CELF1: variants seen among roughly 807,000 people sequenced by gnomAD.
CELF1 encodes CUGBP Elav-like family member 1.
Under a neutral mutation model 61.8 loss-of-function variants are expected in CELF1, and 10 were observed. That is an observed-to-expected ratio of 0.16 (90% CI 0.10 to 0.27). The LOEUF is 0.27. Ranked by LOEUF, CELF1 falls within the 10% of genes least tolerant of loss-of-function variation. CELF1 has a pLI of 1.00. For synonymous variants in CELF1, 236 were observed against 225.1 expected (o/e 1.05, Z -0.43); for missense variants, 380 against 639.1 (o/e 0.59, Z 4.37).
intron 6 of CELF1, among the ~76,000 whole-genome samples, chr11:47,484,879 T>G (rs911453754): frequency 2.0e-5 from 3 of 152,188 alleles, no homozygotes; most frequent in African/African-American, 4.8e-5. Flanking sequence ...GGTTTCTCCA[T>G]GTTGGTCAGG....
intron 2 of CELF1, among the ~76,000 whole-genome samples, chr11:47,564,014 AC>A (rs2097235499): frequency 1.3e-5 from 2 of 150,988 alleles, no homozygotes; most frequent in East Asian, 2.0e-4. Flanking sequence ...TTAAAAACAA[AC>A]AAACAAACAA....
Position 47,499,572 on chromosome 11 carries a change from G to T in CELF1, c.-49C>A. On this transcript the variant is annotated 5_prime_UTR_variant, in exon 3 of 15. Transcript: ENST00000687097. The stretch of plus-strand genomic sequence containing the variant: ...CCAATGATATTAACTTGCTGCACTT[G>T]TCTGATCCACAAATACACACAGCTT... 7.0e-7 allele frequency: 1 copy of T among 1,423,482 alleles called. No homozygotes were observed. Among genetic ancestry groups the T allele is most frequent in the Non-Finnish European group, 9.6e-7 (1 of 1,044,770 alleles). The allele number at this position is 1,423,482 out of a possible 1,614,324, so 88.2% of individuals were successfully genotyped here.
chr11:47,480,009 T>G (rs979394097), intron 9 of CELF1, among the ~76,000 whole-genome samples: 1 of 151,270 alleles, frequency 6.6e-6, no homozygotes, highest in African/African-American at 2.4e-5. Context: ...CCTGGCTAAC[T>G]CAAGTCCACA....
intron 1 of CELF1, among the ~76,000 whole-genome samples, chr11:47,547,237 T>A: frequency 6.6e-6 from 1 of 152,194 alleles, no homozygotes; most frequent in Non-Finnish European, 1.5e-5. Flanking sequence ...AGTTTGAATA[T>A]GTCAGTGGAC....
intron 1 of CELF1, among the ~76,000 whole-genome samples, chr11:47,542,277 A>G (rs1010249038): frequency 7.9e-5 from 12 of 152,282 alleles, no homozygotes; most frequent in Middle Eastern, 6.8e-3. Context: ...TTGAGGCAGA[A>G]GAATCGCTTC....
At chr11:47,482,502 G>T (rs370844156) in intron 9 of CELF1, 193 bp downstream of exon 9, 3 of 408,478 alleles carry the variant, frequency 7.3e-6, no homozygotes, top group South Asian at 1.6e-4. Flanking sequence ...AGAGATGCAT[G>T]TCCAGAGATA....
chr11:47,514,319 A>G (rs893694133), intron 1 of CELF1, among the ~76,000 whole-genome samples: 24 of 152,140 alleles, frequency 1.6e-4, no homozygotes, highest in African/African-American at 5.6e-4. Flanking sequence ...ATTTTCTCGT[A>G]AGCAGCCATT....
At chr11:47,516,064 A>G (rs566648663) in intron 1 of CELF1, among the ~76,000 whole-genome samples, 1 of 148,230 alleles carries the variant, frequency 6.7e-6, no homozygotes, top group East Asian at 2.1e-4. Context: ...TTAGCTGGGC[A>G]TGGTGGCAGG....
At chr11:47,559,750 C>G (rs2097219893) in intron 2 of CELF1, among the ~76,000 whole-genome samples, 1 of 152,192 alleles carries the variant, frequency 6.6e-6, no homozygotes, top group African/African-American at 2.4e-5. Context: ...GCCTGTAATC[C>G]TAGCACTTTG....
chr11:47,535,734 C>G (rs1307212623), intron 1 of CELF1, among the ~76,000 whole-genome samples: 2 of 150,274 alleles, frequency 1.3e-5, no homozygotes, highest in African/African-American at 4.9e-5. Context: ...CTCACCTAAG[C>G]TTTCCTGTAG....
At chr11:47,560,734 C>T (rs2097222357) in intron 2 of CELF1, among the ~76,000 whole-genome samples, 1 of 152,136 alleles carries the variant, frequency 6.6e-6, no homozygotes, top group African/African-American at 2.4e-5. Flanking sequence ...TGCATTATAC[C>T]TCAATAAAGC....
Position 47,499,453 on chromosome 11 carries a change from A to G in CELF1, c.71T>C (p.Val24Ala), listed in dbSNP as rs1203957793. 2.6e-6 allele frequency: 4 copies of G among 1,534,876 alleles called. No homozygotes were observed. In the East Asian group the frequency reaches 7.3e-5, roughly 28 times the overall value. Residue 24 changes from valine (V) to alanine (A), a missense_variant and splice_region_variant, in exon 3 of 15, where the codon GTC becomes GCC. Coordinates refer to ENST00000687097, the MANE Select transcript of CELF1 (RefSeq NM_001376376.1). ...AAAATTAGACAACAAAAATACTTAC[A>G]CGGGACTGGAATTCAAAGAGCAATG... ...VDHCSLNSSP[V>A]SKKMNGTLDH...
At chr11:47,493,205 C>T (rs756920669) in intron 3 of CELF1, among the ~76,000 whole-genome samples, 6 of 151,938 alleles carry the variant, frequency 3.9e-5, no homozygotes, top group Non-Finnish European at 7.4e-5. Context: ...TGTTTATATA[C>T]CAATTCAATA....
At chr11:47,514,920 G>C (rs552412262) in intron 1 of CELF1, 3 of 152,132 alleles carry the variant, frequency 2.0e-5, no homozygotes, top group Non-Finnish European at 4.4e-5. Flanking sequence ...CACACACTGG[G>C]TGTAACTCTC....
At position 47,473,110 on chromosome 11, in the gene CELF1, C is replaced by T; in HGVS notation, c.1395G>A (p.Gln465=). ...VVSAKVFIDK[Q]TNLSKCFGFV... is the part of the protein sequence containing the mutation. The stretch of plus-strand genomic sequence containing the variant: ...TACCAAAACACTTGCTCAGGTTTGT[C>T]TGCTTGTCTATGAAAACCTTGGCAG... Residue 465 remains glutamine (Q), a synonymous_variant, in exon 14 of 15, where the codon CAG becomes CAA. Transcript: ENST00000687097. 6.2e-7 allele frequency: 1 copy of T among 1,614,138 alleles called. No homozygotes were observed. The highest frequency in any genetic ancestry group is 8.5e-7 in the Non-Finnish European group (1 of 1,180,002).
At chr11:47,489,935 G>GTTTGTTTTTTTTTTTTTTTTT (rs2090214135) in intron 3 of CELF1, among the ~76,000 whole-genome samples, 1 of 48,226 alleles carries the variant, frequency 2.1e-5, no homozygotes, top group Non-Finnish European at 3.9e-5. Context: ...ATACCATCTT[G>GTTTGTTTTTTTTTTTTTTTTT]TTTTTTTTTT....
At chr11:47,494,589 C>T (rs539071621) in intron 3 of CELF1, 2 of 646,806 alleles carry the variant, frequency 3.1e-6, no homozygotes, top group South Asian at 6.9e-5. Flanking sequence ...AAAATTTCCC[C>T]ACCCCAGGCC....
At chr11:47,546,253 T>TTG (rs2096944135) in intron 1 of CELF1, among the ~76,000 whole-genome samples, 9 of 23,558 alleles carry the variant, frequency 3.8e-4, no homozygotes, top group African/African-American at 5.9e-4. Flanking sequence ...TTTTTTTTTT[T>TTG]GGGCGGGGGC....
chr11:47,554,783 TC>T (rs1210141068), upstream of CELF1, among the ~76,000 whole-genome samples: 2 of 151,152 alleles, frequency 1.3e-5, no homozygotes, highest in African/African-American at 4.9e-5. Context: ...TGCCTCAGCC[TC>T]CCGAGTAGCT....
Sources: allele counts gnomAD v4.1 joint callset (sites outside exome capture counted in the v4.1 genomes callset), GRCh38; gene constraint gnomAD v4.1.1; transcripts MANE v1.5; gene names NCBI Gene and HGNC (gene_info 2026-07-23, HGNC 2026-07-21).